LGMN: variants seen among roughly 807,000 people sequenced by gnomAD.
The protein encoded by LGMN is legumain.
LGMN carries 36 observed loss-of-function variants against 56.8 expected under a neutral mutation model. The observed-to-expected ratio is 0.63, with a 90% confidence interval of 0.49 to 0.84. The LOEUF is 0.84. Among genes scored for constraint, LGMN ranks in the 40% least tolerant of loss-of-function variants. LGMN has a pLI of 0.00. For synonymous variants in LGMN, 199 were observed against 210.1 expected (o/e 0.95, Z 0.46); for missense variants, 446 against 556.1 (o/e 0.80, Z 1.99).
intron 2 of LGMN, among the ~76,000 whole-genome samples, chr14:92,719,451 C>G (rs1332194072): frequency 1.3e-5 from 2 of 152,006 alleles, no homozygotes; most frequent in African/African-American, 2.4e-5. Context: ...AGAAGGACCT[C>G]TGAAAGTCCT....
intron 2 of LGMN, among the ~76,000 whole-genome samples, chr14:92,723,200 C>T (rs1346916384): frequency 6.6e-6 from 1 of 152,044 alleles, no homozygotes; most frequent in Non-Finnish European, 1.5e-5. Context: ...GTGAGCACCA[C>T]CACACCTGGC....
intron 1 of LGMN, among the ~76,000 whole-genome samples, chr14:92,735,431 G>A (rs947237691): frequency 2.0e-5 from 3 of 152,034 alleles, no homozygotes; most frequent in South Asian, 2.1e-4. Flanking sequence ...GGTCTCAAAC[G>A]CCTGACTTTA....
intron 2 of LGMN, among the ~76,000 whole-genome samples, chr14:92,719,293 G>A (rs868370571): frequency 0.29 from 11,474 of 39,746 alleles, 1,429 homozygotes; most frequent in African/African-American, 0.44. Context: ...CGCCGCCGCC[G>A]CCGCCGCCAC....
intron 1 of LGMN, among the ~76,000 whole-genome samples, chr14:92,736,096 TTACTC>T (rs987317498): frequency 6.6e-6 from 1 of 152,130 alleles, no homozygotes; most frequent in African/African-American, 2.4e-5. Flanking sequence ...AAAGAACACA[TTACTC>T]TACAGACAGA....
intron 10 of LGMN, 77 bp downstream of exon 10, chr14:92,711,582 G>T: frequency 2.4e-6 from 3 of 1,270,596 alleles, no homozygotes; most frequent in Non-Finnish European, 3.5e-6. Flanking sequence ...TGTCTCTTTA[G>T]CAAGAGATCA....
intron 1 of LGMN, among the ~76,000 whole-genome samples, chr14:92,733,387 T>C (rs539260829): frequency 2.4e-4 from 37 of 152,188 alleles, no homozygotes; most frequent in African/African-American, 8.4e-4. Flanking sequence ...CAGAAAGGGC[T>C]CTGGGCACTT....
Position 92,745,238 on chromosome 14 carries a change from C to G in LGMN, c.-30+3251G>C, listed in dbSNP as rs1891766878. Among the ~76,000 whole-genome samples, 3 of 152,154 alleles carry G rather than the reference C, an allele frequency of 2.0e-5. No homozygotes were observed. In the South Asian group the frequency reaches 6.2e-4, roughly 32 times the overall value. ...ATTTGGCATTTGAGTTTTCTTTCAC[C>G]CAACTTACTATTTTTGAAACCTGGG... On this transcript the variant is annotated intron_variant, in intron 1 of 13. Transcript: ENST00000334869.
chr14:92,725,876 C>T (rs181317659), intron 2 of LGMN, among the ~76,000 whole-genome samples: 3 of 152,110 alleles, frequency 2.0e-5, no homozygotes, highest in East Asian at 3.9e-4. Context: ...CACCTGGCCA[C>T]GGATTTTTTT....
intron 1 of LGMN, among the ~76,000 whole-genome samples, chr14:92,733,990 T>G (rs1272816325): frequency 2.6e-5 from 4 of 152,232 alleles, no homozygotes; most frequent in Non-Finnish European, 5.9e-5. Flanking sequence ...ACAGTTAATG[T>G]GTATTACTTA....
At chr14:92,730,162 G>A (rs544945953) in intron 2 of LGMN, among the ~76,000 whole-genome samples, 1 of 152,194 alleles carries the variant, frequency 6.6e-6, no homozygotes, top group Non-Finnish European at 1.5e-5. Context: ...TGAGGTTAGA[G>A]GGGGAGAAGA....
intron 2 of LGMN, among the ~76,000 whole-genome samples, chr14:92,727,337 C>T (rs760969798): frequency 2.1e-5 from 3 of 144,874 alleles, no homozygotes; most frequent in Non-Finnish European, 3.0e-5. Context: ...GGCTGAGGCA[C>T]GAGAATTGAT....
At chr14:92,727,563 C>T (rs959748377) in intron 2 of LGMN, among the ~76,000 whole-genome samples, 2 of 152,056 alleles carry the variant, frequency 1.3e-5, no homozygotes, top group Non-Finnish European at 1.5e-5. Context: ...TGAAGGCACC[C>T]GATGTGCTGG....
At chr14:92,724,157 A>C (rs1387103568) in intron 2 of LGMN, among the ~76,000 whole-genome samples, 10 of 152,260 alleles carry the variant, frequency 6.6e-5, no homozygotes, top group Non-Finnish European at 2.9e-5. Flanking sequence ...AATTAAGATG[A>C]TATGTCTTAA....
intron 2 of LGMN, among the ~76,000 whole-genome samples, chr14:92,719,599 G>A (rs1374607327): frequency 6.6e-6 from 1 of 152,170 alleles, no homozygotes; most frequent in East Asian, 1.9e-4. Context: ...CAAGTACTTT[G>A]TCTGCCAAAG....
chr14:92,711,715 A>G lies in LGMN; in HGVS notation c.763T>C (p.Tyr255His). The G allele has an allele frequency of 6.2e-7, 1 of 1,614,218 alleles. No individual in the cohort carries two copies. The highest frequency in any genetic ancestry group is 8.5e-7 in the Non-Finnish European group (1 of 1,180,024). Residue 255 changes from tyrosine to histidine, a missense_variant, in exon 10 of 14, where the codon TAC (tyrosine) becomes CAC (histidine). Transcript: ENST00000334869. ...DLTKETLHKQ[Y>H]HLVKSHTNTS... ...TTGGTGTGCGATTTTACCAGGTGGTACTGCTTGTGCAGGGTCTCTTTAGTC... is the reference window on the plus strand; with the variant it reads ...TTGGTGTGCGATTTTACCAGGTGGTGCTGCTTGTGCAGGGTCTCTTTAGTC...
chr14:92,713,878 A>C lies in LGMN; in HGVS notation c.488T>G (p.Val163Gly), dbSNP rs753802666. Residue 163 changes from valine (V) to glycine (G), a missense_variant, in exon 7 of 14, where the codon GTA (valine) becomes GGA (glycine). Physicochemically the swap from Val to Gly is moderately radical, Grantham distance 109 (BLOSUM62 -3). Coordinates refer to ENST00000334869, the MANE Select transcript of LGMN (RefSeq NM_005606.7). ...ATGGATGGTCTCATTCAGGTCCTTT[A>C]CATGAAGCTGAAAGGTGAGAATATT... ...ILVFPNEDLH[V>G]KDLNETIHYM... 6.2e-7 allele frequency: 1 copy of C among 1,611,256 alleles called. No individual in the cohort carries two copies. The highest frequency in any genetic ancestry group is 1.3e-5 in the African/African-American group (1 of 74,870).
intron 2 of LGMN, among the ~76,000 whole-genome samples, chr14:92,731,516 T>G (rs554909938): frequency 1.3e-5 from 2 of 152,342 alleles, no homozygotes; most frequent in Non-Finnish European, 2.9e-5. Context: ...TCTCTATAGA[T>G]TTTCCAAATT....
intron 2 of LGMN, among the ~76,000 whole-genome samples, chr14:92,723,664 A>G (rs1595546790): frequency 6.6e-6 from 1 of 152,214 alleles, no homozygotes. Context: ...GAATAAACAA[A>G]TCTATAGAGA....
At chr14:92,705,502 A>AAAACAAAC (rs34683271) in intron 12 of LGMN, among the ~76,000 whole-genome samples, 6 of 150,748 alleles carry the variant, frequency 4.0e-5, no homozygotes, top group South Asian at 2.1e-4. Flanking sequence ...AACTGTGTCT[A>AAAACAAAC]AAACAAACAA....
Sources: allele counts gnomAD v4.1 joint callset (sites outside exome capture counted in the v4.1 genomes callset), GRCh38; gene constraint gnomAD v4.1.1; transcripts MANE v1.5; gene names NCBI Gene and HGNC (gene_info 2026-07-23, HGNC 2026-07-21).